Variants in MACROD1 observed in about 807,000 individuals in gnomAD.
The protein encoded by MACROD1 is mono-ADP ribosylhydrolase 1.
Under a neutral mutation model 41.4 loss-of-function variants are expected in MACROD1, and 31 were observed. The observed-to-expected ratio is 0.75, with a 90% CI of 0.56 to 1.01. MACROD1 has a LOEUF of 1.01. Among genes scored for constraint, MACROD1 ranks in the 50% least tolerant of loss-of-function variants. MACROD1 has a pLI of 0.00. For missense variants in MACROD1, 473 were observed against 460.0 expected (o/e 1.03, Z -0.26); for synonymous variants, 252 against 203.4 (o/e 1.24, Z -2.03).
intron 3 of MACROD1, among the ~76,000 whole-genome samples, chr11:64,099,991 G>A (rs138352462): frequency 2.6e-5 from 4 of 152,246 alleles, no homozygotes; most frequent in Admixed American, 6.5e-5. Context: ...TGGATGGTCC[G>A]TTTCTCTTGC....
chr11:64,088,648 T>C (rs990258809), intron 3 of MACROD1, among the ~76,000 whole-genome samples: 1 of 152,162 alleles, frequency 6.6e-6, no homozygotes, highest in South Asian at 2.1e-4. Flanking sequence ...GCCACCCTTA[T>C]TGGTTGTGTG....
At chr11:64,103,597 A>AG (rs1398127632) in intron 3 of MACROD1, 1 of 151,602 alleles carries the variant, frequency 6.6e-6, no homozygotes, top group Non-Finnish European at 1.5e-5. Flanking sequence ...AAAAAAAAAA[A>AG]AGCCTTGGTA....
chr11:64,021,953 GT>G (rs1565197683), intron 3 of MACROD1, among the ~76,000 whole-genome samples: 3 of 20,242 alleles, frequency 1.5e-4, no homozygotes, highest in Non-Finnish European at 4.0e-4. Flanking sequence ...GGGGGGGGGT[GT>G]GAGGTGGCGG....
At chr11:64,123,199 AGTGACGGGC>A (rs1341713762) in intron 3 of MACROD1, among the ~76,000 whole-genome samples, 1 of 152,190 alleles carries the variant, frequency 6.6e-6, no homozygotes, top group Admixed American at 6.5e-5. Context: ...AGCCAGGGTC[AGTGACGGGC>A]GTCCGCGTGC....
chr11:64,011,760 G>A (rs1370952821), intron 4 of MACROD1, among the ~76,000 whole-genome samples: 1 of 151,784 alleles, frequency 6.6e-6, no homozygotes, highest in Admixed American at 6.6e-5. Context: ...GGCTGGTCAT[G>A]GGAGGGGCGC....
chr11:64,001,876 G>A (rs1389949902), intron 4 of MACROD1: 7 of 660,500 alleles, frequency 1.1e-5, no homozygotes, highest in Non-Finnish European at 2.0e-5. Context: ...TCACATCCTG[G>A]CTCTGCCAGC....
chr11:64,036,423 C>T lies in MACROD1; in HGVS notation c.518-21142G>A, dbSNP rs530061759. Reference sequence around the variant, plus strand: ...GGGGTGCGCGGCCGGCGGCTCAGCTCTCCCGAGCCGAGGCTGGAAAGGGCG... The same window carrying T: ...GGGGTGCGCGGCCGGCGGCTCAGCTTTCCCGAGCCGAGGCTGGAAAGGGCG... On this transcript the variant is annotated intron_variant, in intron 3 of 10. Transcript: ENST00000255681. This position sits in a 1 kb window ranked among gnomAD's most constrained non-coding sequence, Gnocchi z 5.6. Among the ~76,000 whole-genome samples the T allele has an allele frequency of 1.3e-3, 202 of 152,276 alleles. No individual in the cohort carries two copies. The highest frequency in any genetic ancestry group is 2.9e-3 in the South Asian group (14 of 4,834).
rs142774946 is a variant in MACROD1, at chr11:64,024,705, G to A, written c.518-9424C>T. On this transcript the variant is annotated intron_variant, in intron 3 of 10. Transcript: ENST00000255681. ...CTGGTGATCCAGGGAGCCTTGGCGG[G>A]TGGGAGGGTGGAGGGCATCAGAGAA... Among the ~76,000 whole-genome samples, 691 of 152,366 alleles carry A rather than the reference G, an allele frequency of 4.5e-3. 1 individual carries two copies. The highest frequency in any genetic ancestry group is 0.016 in the African/African-American group (659 of 41,600).
intron 3 of MACROD1, among the ~76,000 whole-genome samples, chr11:64,129,855 A>G (rs1176934913): frequency 1.3e-5 from 2 of 152,174 alleles, no homozygotes; most frequent in Admixed American, 6.5e-5. Context: ...TGGGCCGCAC[A>G]GGAGGGAATT....
intron 3 of MACROD1, among the ~76,000 whole-genome samples, chr11:64,142,227 T>G (rs1034587668): frequency 6.6e-6 from 1 of 152,156 alleles, no homozygotes; most frequent in Non-Finnish European, 1.5e-5. Flanking sequence ...ATGGAGTCAC[T>G]TATTCATTCA....
At chr11:64,005,525 G>A (rs1457263432) in intron 4 of MACROD1, among the ~76,000 whole-genome samples, 3 of 152,248 alleles carry the variant, frequency 2.0e-5, no homozygotes, top group African/African-American at 7.2e-5. Context: ...AGGTTGTGGG[G>A]GTGAGTGGGG....
chr11:64,043,647 T>C (rs1943530945), intron 3 of MACROD1, among the ~76,000 whole-genome samples: 2 of 152,142 alleles, frequency 1.3e-5, no homozygotes, highest in South Asian at 2.1e-4. Flanking sequence ...GAGGTCATTA[T>C]TGAGTGTTTA....
intron 3 of MACROD1, among the ~76,000 whole-genome samples, chr11:64,017,130 C>T (rs1480102985): frequency 3.3e-5 from 5 of 152,220 alleles, no homozygotes; most frequent in African/African-American, 4.8e-5. Context: ...CCACCACACC[C>T]GGCTAATTTT....
chr11:64,064,222 A>T lies in MACROD1; in HGVS notation c.518-48941T>A, dbSNP rs1473866949. Among the ~76,000 whole-genome samples the T allele has an allele frequency of 6.6e-6, 1 of 152,092 alleles. No individual in the cohort carries two copies. Among genetic ancestry groups the T allele is most frequent in the Non-Finnish European group, 1.5e-5 (1 of 68,030 alleles). On this transcript the variant is annotated intron_variant, in intron 3 of 10. Coordinates refer to ENST00000255681, the MANE Select transcript of MACROD1 (RefSeq NM_014067.4). This position sits in a 1 kb window ranked among gnomAD's most constrained non-coding sequence, Gnocchi z 4.5. ...TAAAACATCAGTGTAGGGGAAAAAA[A>T]TCCCAAACTGCACAGCCTAGGGTTG...
chr11:64,137,374 A>G (rs2134671393), intron 3 of MACROD1, among the ~76,000 whole-genome samples: 1 of 152,336 alleles, frequency 6.6e-6, no homozygotes, highest in African/African-American at 2.4e-5. Flanking sequence ...GGGGAGATAA[A>G]GAATAGTTGG....
chr11:64,109,150 G>T (rs1944816243), intron 3 of MACROD1, among the ~76,000 whole-genome samples: 1 of 152,124 alleles, frequency 6.6e-6, no homozygotes, highest in African/African-American at 2.4e-5. Context: ...AGACAGGGAT[G>T]GGGGGCTATT....
chr11:63,999,020 A>G lies in MACROD1; in HGVS notation c.908T>C (p.Ile303Thr), dbSNP rs751647927. 1.2e-6 allele frequency: 2 copies of G among 1,606,584 alleles called. No homozygotes were observed. Among genetic ancestry groups the G allele is most frequent in the East Asian group, 2.2e-5 (1 of 44,642 alleles). The change falls in exon 9 of 11, where the codon ATC becomes ACC. Residue 303 changes from isoleucine (I) to threonine (T), a missense_variant. Ile to Thr is a moderately conservative substitution (Grantham distance 89). Transcript: ENST00000255681. Reference protein sequence around the residue: ...QHKDKVDRLIICVFLEKDEDI... With the variant: ...QHKDKVDRLITCVFLEKDEDI... ...CTCGTCCTTCTCGAGGAACACGCAGATGATCAGCCGGTCCACCTGCGCCAG... is the reference window on the plus strand; with the variant it reads ...CTCGTCCTTCTCGAGGAACACGCAGGTGATCAGCCGGTCCACCTGCGCCAG...
intron 3 of MACROD1, among the ~76,000 whole-genome samples, chr11:64,055,485 C>G (rs538639229): frequency 6.6e-6 from 1 of 152,162 alleles, no homozygotes; most frequent in East Asian, 1.9e-4. Context: ...TGTCCCCATC[C>G]TAAGTGGCTC....
intron 4 of MACROD1, among the ~76,000 whole-genome samples, chr11:64,002,256 C>T (rs11231673): frequency 0.055 from 8,412 of 152,262 alleles, 793 homozygotes; most frequent in African/African-American, 0.19. Flanking sequence ...GGGGGCTCAC[C>T]GCCCTGCAGG....
Sources: allele counts gnomAD v4.1 joint callset (sites outside exome capture counted in the v4.1 genomes callset), GRCh38; gene constraint gnomAD v4.1.1; non-coding constraint Gnocchi (gnomAD v3.1); transcripts MANE v1.5; gene names NCBI Gene and HGNC (gene_info 2026-07-23, HGNC 2026-07-21).